Variants in MICU2 observed in about 807,000 individuals in gnomAD.
The protein encoded by MICU2 is calcium uptake protein 2, mitochondrial.
In MICU2, 64 loss-of-function variants were observed where a neutral mutation model predicts 60.4. That is an observed-to-expected ratio of 1.06 (90% CI 0.87 to 1.31). The LOEUF is 1.31. Among genes scored for constraint, MICU2 ranks in the 50% most tolerant of loss-of-function variants. The pLI is 0.00. For synonymous variants in MICU2, 201 were observed against 175.0 expected (o/e 1.15, Z -1.17); for missense variants, 569 against 531.0 (o/e 1.07, Z -0.70).
chr13:21,521,330 G>A lies in MICU2; in HGVS notation c.515-3C>T. 1.2e-6 allele frequency: 2 copies of A among 1,604,138 alleles called. No homozygotes were observed. The highest frequency in any genetic ancestry group is 1.7e-6 in the Non-Finnish European group (2 of 1,176,672). ...AACATGAAATCCAGAATGGGGTTCT[G>A]CAGTGAAGTGAAAAATGAATATTTA... On this transcript the variant is annotated splice_region_variant and splice_polypyrimidine_tract_variant and intron_variant, in intron 5 of 11. Coordinates refer to ENST00000382374, the MANE Select transcript of MICU2 (RefSeq NM_152726.3).
At chr13:21,515,716 G>A (rs371142683) in intron 6 of MICU2, 9 of 205,560 alleles carry the variant, frequency 4.4e-5, no homozygotes, top group East Asian at 2.2e-4. Flanking sequence ...AATTAATTCC[G>A]TATTAATTAT....
intron 1 of MICU2, chr13:21,603,682 C>A (rs1248674037): frequency 1.8e-6 from 1 of 543,762 alleles, no homozygotes; most frequent in African/African-American, 2.0e-5. Context: ...TTTTGTGGGC[C>A]GTGGTGTTCA....
At chr13:21,574,509 T>G (rs949860356) in intron 1 of MICU2, among the ~76,000 whole-genome samples, 1 of 152,356 alleles carries the variant, frequency 6.6e-6, no homozygotes, top group South Asian at 2.1e-4. Context: ...CACTAGTTTA[T>G]TGCCTCTAAA....
At chr13:21,603,648 T>A in intron 1 of MICU2, 1 of 501,812 alleles carries the variant, frequency 2.0e-6, no homozygotes, top group South Asian at 2.5e-5. Flanking sequence ...CCCACACTCA[T>A]CACCACTAAA....
intron 1 of MICU2, among the ~76,000 whole-genome samples, chr13:21,595,517 A>G (rs962053167): frequency 1.2e-4 from 18 of 152,250 alleles, no homozygotes; most frequent in African/African-American, 3.4e-4. Flanking sequence ...CTTCCATGGC[A>G]GCTCCAGGGG....
At chr13:21,527,238 A>G (rs1886881525) in intron 4 of MICU2, among the ~76,000 whole-genome samples, 1 of 152,206 alleles carries the variant, frequency 6.6e-6, no homozygotes, top group African/African-American at 2.4e-5. Context: ...GTTAGCTGAA[A>G]GATCAAAGTA....
intron 2 of MICU2, among the ~76,000 whole-genome samples, chr13:21,562,368 A>G (rs1317713848): frequency 6.6e-6 from 1 of 152,200 alleles, no homozygotes; most frequent in Non-Finnish European, 1.5e-5. Context: ...CATAAAATAC[A>G]TATCTACAGT....
intron 2 of MICU2, among the ~76,000 whole-genome samples, chr13:21,541,831 A>AAT (rs1278064796): frequency 6.6e-6 from 1 of 152,224 alleles, no homozygotes; most frequent in Admixed American, 6.5e-5. Context: ...TATTTAATGT[A>AAT]GATTACAAGT....
chr13:21,503,219 G>A, intron 8 of MICU2, 122 bp from the exon 9 acceptor site: 2 of 676,852 alleles, frequency 3.0e-6, no homozygotes, highest in Non-Finnish European at 4.9e-6. Flanking sequence ...ATGGTAAGCA[G>A]GATGAAGCAT....
At chr13:21,511,429 A>G (rs1237821340) in intron 7 of MICU2, among the ~76,000 whole-genome samples, 1 of 152,230 alleles carries the variant, frequency 6.6e-6, no homozygotes, top group Non-Finnish European at 1.5e-5. Flanking sequence ...GTCTAGAAGA[A>G]CTGATAACCC....
chr13:21,558,334 C>T (rs1157736432), intron 2 of MICU2, among the ~76,000 whole-genome samples: 1 of 152,080 alleles, frequency 6.6e-6, no homozygotes, highest in East Asian at 1.9e-4. Flanking sequence ...AATTTGGGGT[C>T]CTTTGAAGGA....
At chr13:21,502,107 A>G (rs564709322) in intron 9 of MICU2, among the ~76,000 whole-genome samples, 8 of 152,214 alleles carry the variant, frequency 5.3e-5, no homozygotes, top group African/African-American at 1.4e-4. Context: ...TTATAATTAG[A>G]TAAGTTTTCT....
intron 4 of MICU2, among the ~76,000 whole-genome samples, chr13:21,531,995 A>T (rs2798264): frequency 0.35 from 53,388 of 152,024 alleles, 9,886 homozygotes; most frequent in Non-Finnish European, 0.41. Flanking sequence ...TGGATGTGAC[A>T]ACAATCTAAC....
intron 1 of MICU2, among the ~76,000 whole-genome samples, chr13:21,575,605 T>A (rs1199019468): frequency 2.0e-5 from 3 of 151,310 alleles, no homozygotes; most frequent in Admixed American, 6.6e-5. Context: ...ACACCTGTGG[T>A]CCCAGCTACT....
intron 9 of MICU2, among the ~76,000 whole-genome samples, chr13:21,500,034 A>C (rs190699957): frequency 6.6e-6 from 1 of 152,110 alleles, no homozygotes; most frequent in East Asian, 1.9e-4. Context: ...ACTGCAGCAA[A>C]GCTCAGGAAG....
At chr13:21,507,606 ATT>A (rs111726011) in intron 8 of MICU2, among the ~76,000 whole-genome samples, 6 of 141,952 alleles carry the variant, frequency 4.2e-5, no homozygotes, top group Non-Finnish European at 4.6e-5. Context: ...AGAAACTTAG[ATT>A]TTTTTTTTTT....
chr13:21,521,408 A>G (rs1886714724), intron 5 of MICU2, 81 bp from the exon 6 acceptor site: 3 of 1,055,986 alleles, frequency 2.8e-6, no homozygotes, highest in Admixed American at 4.8e-5. Flanking sequence ...CAAATTTGAC[A>G]TACACTAGCA....
chr13:21,518,599 C>T (rs1886639362), intron 6 of MICU2, among the ~76,000 whole-genome samples: 1 of 152,188 alleles, frequency 6.6e-6, no homozygotes, highest in Admixed American at 6.5e-5. Flanking sequence ...AAAATCCTCC[C>T]AAGTCTGAAA....
intron 4 of MICU2, among the ~76,000 whole-genome samples, chr13:21,537,779 C>T (rs1290320564): frequency 6.6e-6 from 1 of 152,128 alleles, no homozygotes; most frequent in East Asian, 1.9e-4. Context: ...CGCACCTCAC[C>T]CTAAATCCTA....
Sources: allele counts gnomAD v4.1 joint callset (sites outside exome capture counted in the v4.1 genomes callset), GRCh38; gene constraint gnomAD v4.1.1; transcripts MANE v1.5; gene names NCBI Gene and HGNC (gene_info 2026-07-23, HGNC 2026-07-21).